The following CPS1 variants were observed in gnomAD, a reference collection of about 807,000 sequenced individuals.
CPS1 encodes carbamoyl-phosphate synthase 1.
In CPS1, 109 loss-of-function variants were observed where a neutral mutation model predicts 174.6. That is an observed-to-expected ratio of 0.62 (90% CI 0.53 to 0.73). The LOEUF is 0.73. Ranked by LOEUF, CPS1 falls within the 30% of genes least tolerant of loss-of-function variation. CPS1 has a pLI of 0.00. For synonymous variants in CPS1, 637 were observed against 632.0 expected (o/e 1.01, Z -0.12); for missense variants, 1,689 against 1,821.9 (o/e 0.93, Z 1.33).
intron 1 of CPS1, among the ~76,000 whole-genome samples, chr2:210,539,255 T>C (rs1696338964): frequency 6.6e-6 from 1 of 152,140 alleles, no homozygotes; most frequent in African/African-American, 2.4e-5. Context: ...ATAAATGCCA[T>C]GTCAGTGTTT....
chr2:210,498,360 C>A (rs1238525408), intron 1 of CPS1, among the ~76,000 whole-genome samples: 1 of 151,966 alleles, frequency 6.6e-6, no homozygotes, highest in Non-Finnish European at 1.5e-5. Flanking sequence ...TTGTAGAAAT[C>A]TTTCACCTCC....
intron 1 of CPS1, among the ~76,000 whole-genome samples, chr2:210,486,978 T>A (rs1386745615): frequency 2.1e-5 from 3 of 141,064 alleles, no homozygotes. Flanking sequence ...ACAGGACCCA[T>A]GCCTTTTATT....
chr2:210,649,535 G>T (rs1372479594), intron 27 of CPS1, among the ~76,000 whole-genome samples: 1 of 152,220 alleles, frequency 6.6e-6, no homozygotes, highest in East Asian at 1.9e-4. Flanking sequence ...TAAATAACTT[G>T]ATTGACTTTC....
intron 21 of CPS1, among the ~76,000 whole-genome samples, chr2:210,632,542 G>A (rs552122834): frequency 2.6e-5 from 4 of 152,210 alleles, no homozygotes; most frequent in Non-Finnish European, 4.4e-5. Context: ...ACCAAAGAGA[G>A]AAAACAGAGG....
chr2:210,560,189 AG>A (rs1371786293), intron 1 of CPS1, among the ~76,000 whole-genome samples: 2 of 152,116 alleles, frequency 1.3e-5, no homozygotes, highest in African/African-American at 4.8e-5. Flanking sequence ...TAATTCCAAA[AG>A]GCAGAATAGA....
intron 18 of CPS1, among the ~76,000 whole-genome samples, chr2:210,607,348 T>A (rs1455063246): frequency 6.6e-6 from 1 of 151,920 alleles, no homozygotes; most frequent in Non-Finnish European, 1.5e-5. Context: ...AAGCATGCAA[T>A]ACACATTACT....
intron 21 of CPS1, among the ~76,000 whole-genome samples, chr2:210,623,728 T>C (rs1435208404): frequency 6.6e-6 from 1 of 152,170 alleles, no homozygotes; most frequent in African/African-American, 2.4e-5. Context: ...TTCTGGCAGA[T>C]GTAATAATGC....
At chr2:210,590,033 G>T in intron 7 of CPS1, 73 bp from the exon 8 acceptor site, 1 of 1,587,566 alleles carries the variant, frequency 6.3e-7, no homozygotes, top group East Asian at 2.2e-5. Flanking sequence ...TTAGTCAAGA[G>T]AAAGTCTAGC....
chr2:210,526,593 G>A (rs773740313), intron 1 of CPS1, among the ~76,000 whole-genome samples: 1 of 151,754 alleles, frequency 6.6e-6, no homozygotes, highest in Non-Finnish European at 1.5e-5. Context: ...CCGCATAGTA[G>A]ACTTCAAAGA....
intron 5 of CPS1, among the ~76,000 whole-genome samples, chr2:210,581,921 A>T (rs1280900690): frequency 6.6e-6 from 1 of 152,184 alleles, no homozygotes; most frequent in Non-Finnish European, 1.5e-5. Flanking sequence ...TAAATATAGC[A>T]TGCCATTTTT....
At chr2:210,660,189 C>T (rs1259612536) in intron 31 of CPS1, among the ~76,000 whole-genome samples, 1 of 151,992 alleles carries the variant, frequency 6.6e-6, no homozygotes, top group African/African-American at 2.4e-5. Context: ...CAGTGGACAT[C>T]CAGTGAAGGT....
upstream of CPS1, among the ~76,000 whole-genome samples, chr2:210,552,930 G>A (rs1275029877): frequency 3.3e-5 from 5 of 151,894 alleles, no homozygotes; most frequent in Non-Finnish European, 7.4e-5. Flanking sequence ...CTACAGCGGA[G>A]CAAATAAAAT....
At chr2:210,580,858 C>CAAA (rs369186272) in intron 5 of CPS1, among the ~76,000 whole-genome samples, 1 of 95,316 alleles carries the variant, frequency 1.0e-5, no homozygotes. Flanking sequence ...GACCCTGTCT[C>CAAA]AAAAAAAAAA....
chr2:210,616,172 T>G (rs1242863967), intron 20 of CPS1, among the ~76,000 whole-genome samples: 1 of 151,916 alleles, frequency 6.6e-6, no homozygotes, highest in African/African-American at 2.4e-5. Flanking sequence ...CAAAACCTGT[T>G]AGGAGATTTT....
upstream of CPS1, among the ~76,000 whole-genome samples, chr2:210,553,023 T>A (rs887140268): frequency 2.0e-5 from 3 of 151,990 alleles, no homozygotes; most frequent in Non-Finnish European, 2.9e-5. Context: ...GTACACTCTC[T>A]TTGGAGAGAA....
chr2:210,519,014 G>A (rs1020421252), intron 1 of CPS1, among the ~76,000 whole-genome samples: 9 of 151,926 alleles, frequency 5.9e-5, no homozygotes, highest in Admixed American at 1.3e-4. Flanking sequence ...AGTGAAACCA[G>A]CAGAGTTAAG....
At chr2:210,625,727 A>T (rs546283898) in intron 21 of CPS1, among the ~76,000 whole-genome samples, 1 of 152,216 alleles carries the variant, frequency 6.6e-6, no homozygotes, top group African/African-American at 2.4e-5. Context: ...AAACAGAATT[A>T]AGTCCTCATT....
intron 1 of CPS1, among the ~76,000 whole-genome samples, chr2:210,505,522 G>A (rs1230908965): frequency 6.6e-6 from 1 of 152,132 alleles, no homozygotes; most frequent in African/African-American, 2.4e-5. Flanking sequence ...CATCTCACTG[G>A]GGAGTATCAG....
chr2:210,585,731 A>G (rs1698086893), intron 6 of CPS1, among the ~76,000 whole-genome samples: 1 of 152,004 alleles, frequency 6.6e-6, no homozygotes, highest in South Asian at 2.1e-4. Context: ...TAATATTCAA[A>G]TAAGTTTACA....
Sources: allele counts gnomAD v4.1 joint callset (sites outside exome capture counted in the v4.1 genomes callset), GRCh38; gene constraint gnomAD v4.1.1; transcripts MANE v1.5; gene names NCBI Gene and HGNC (gene_info 2026-07-23, HGNC 2026-07-21).